ZHX3: variants seen among roughly 807,000 people sequenced by gnomAD.
ZHX3 encodes the protein zinc fingers and homeoboxes 3, also known as zinc fingers and homeoboxes protein 3.
ZHX3 carries 20 observed loss-of-function variants against 64.5 expected under a neutral mutation model. The ratio of observed to expected loss-of-function variants is 0.31; its 90% confidence interval spans 0.22 to 0.45. The LOEUF (loss-of-function observed/expected upper bound fraction) is 0.45, where lower values mean the gene tolerates loss of function less well. Ranked by LOEUF, ZHX3 falls within the 20% of genes least tolerant of loss-of-function variation. The pLI is 1.00. For synonymous variants in ZHX3, 423 were observed against 461.6 expected, an observed-to-expected ratio of 0.92 and a Z score of 1.07; for missense variants, 1,041 against 1,195.8, an observed-to-expected ratio of 0.87 and a Z score of 1.91.
At chr20:41,287,660 G>A (rs73907124) in intron 1 of ZHX3, among the ~76,000 whole-genome samples, 350 of 152,308 alleles carry the variant, frequency 2.3e-3, no homozygotes, top group African/African-American at 8.0e-3. Flanking sequence ...CTTATGGTGA[G>A]AGACTGAGGC....
At chr20:41,247,920 T>C (rs2041791567) in intron 2 of ZHX3, among the ~76,000 whole-genome samples, 2 of 152,208 alleles carry the variant, frequency 1.3e-5, no homozygotes, top group African/African-American at 4.8e-5. Flanking sequence ...CAACTCTGCC[T>C]AGGCCATTCC....
chr20:41,266,550 T>C (rs1373928089), intron 2 of ZHX3, among the ~76,000 whole-genome samples: 1 of 51,996 alleles, frequency 1.9e-5, no homozygotes, highest in Admixed American at 1.9e-4. Context: ...AATCTTTCTT[T>C]TTTTTTTTTT....
At chr20:41,279,942 G>A (rs1201450029) in intron 1 of ZHX3, among the ~76,000 whole-genome samples, 1 of 152,170 alleles carries the variant, frequency 6.6e-6, no homozygotes, top group Non-Finnish European at 1.5e-5. Flanking sequence ...ATAATTAGAG[G>A]CCTATGGAAC....
intron 1 of ZHX3, among the ~76,000 whole-genome samples, chr20:41,292,845 A>G (rs1396036487): frequency 6.6e-6 from 1 of 152,394 alleles, no homozygotes; most frequent in Non-Finnish European, 1.5e-5. Context: ...AACAGTATAC[A>G]CAACCACTTT....
chr20:41,252,712 T>C (rs2042049246), intron 2 of ZHX3, among the ~76,000 whole-genome samples: 1 of 152,190 alleles, frequency 6.6e-6, no homozygotes, highest in Admixed American at 6.5e-5. Context: ...CCATTACTTA[T>C]ATATACAATA....
chr20:41,268,412 AG>A lies in ZHX3; in HGVS notation c.-151+577del, dbSNP rs1260722282. 3.9e-5 allele frequency among the ~76,000 whole-genome samples: 6 copies of A among 152,332 alleles called. No individual in the cohort carries two copies. The East Asian group carries it at 9.6e-4, about 24-fold the overall frequency. On this transcript the variant is annotated intron_variant, in intron 2 of 3. Transcript: ENST00000683867. ...CCGTATTAAGTTTAGCATTAAAAAA[AG>A]TTTTCCCAATTTAAATTTTAATATG...
At position 41,204,405 on chromosome 20, in the gene ZHX3, T is replaced by C; in HGVS notation, c.512A>G (p.Glu171Gly). 6.2e-7 allele frequency: 1 copy of C among 1,614,198 alleles called. No individual in the cohort carries two copies. The highest frequency in any genetic ancestry group is 1.7e-5 in the Admixed American group (1 of 60,022). The change falls in exon 3 of 4, where the codon GAA (glutamate) becomes GGA (glycine). Residue 171 changes from glutamate to glycine, a missense_variant. Around this residue, in one of 4 missense-constraint regions of ZHX3, gnomAD observed 358 missense variants for 369.1 expected, o/e 0.97. Transcript: ENST00000683867. The surrounding 1 kb of genome is among the most constrained non-coding windows in gnomAD (Gnocchi z 6.6). ...GATTTCTGCCTGTCCATCAGCCCCT[T>C]CAGCACTGGGCTCACCCGCTAGGTC... The part of the protein sequence containing the change: ...TPDLAGEPSA[E>G]GADGQAEIII...
At chr20:41,188,444 G>A (rs988701837) in intron 3 of ZHX3, 1 of 109,720 alleles carries the variant, frequency 9.1e-6, no homozygotes, top group African/African-American at 3.6e-5. Context: ...ATCTCGCTCT[G>A]TAACCCAGGC....
chr20:41,221,984 A>C (rs898134282), intron 2 of ZHX3, among the ~76,000 whole-genome samples: 2 of 152,240 alleles, frequency 1.3e-5, no homozygotes, highest in African/African-American at 2.4e-5. Flanking sequence ...AGTCTCTCTG[A>C]AATGGGCAGT....
intron 2 of ZHX3, among the ~76,000 whole-genome samples, chr20:41,248,876 T>G (rs1395888692): frequency 6.6e-6 from 1 of 152,168 alleles, no homozygotes; most frequent in African/African-American, 2.4e-5. Flanking sequence ...CCTGACAGTG[T>G]TTTTGCAAAA....
At chr20:41,247,640 C>T (rs949883691) in intron 2 of ZHX3, among the ~76,000 whole-genome samples, 1 of 152,126 alleles carries the variant, frequency 6.6e-6, no homozygotes, top group African/African-American at 2.4e-5. Context: ...CCAACTTGCA[C>T]CCTGAGTAAG....
intron 2 of ZHX3, among the ~76,000 whole-genome samples, chr20:41,216,887 T>C (rs1467779594): frequency 2.0e-5 from 3 of 152,240 alleles, no homozygotes; most frequent in Non-Finnish European, 2.9e-5. Flanking sequence ...CTTTGTTAAT[T>C]TGATATATAA....
At chr20:41,196,408 A>AT (rs772211882) in intron 3 of ZHX3, among the ~76,000 whole-genome samples, 1 of 67,522 alleles carries the variant, frequency 1.5e-5, no homozygotes, top group Non-Finnish European at 2.4e-5. Context: ...TATATTATAT[A>AT]TTATATATAA....
Position 41,180,166 on chromosome 20 carries a change from G to T in ZHX3, c.*5025C>A, listed in dbSNP as rs1412565351. Reference sequence around the variant, plus strand: ...TATCCAAGTGGACAGCAGGGAAGGTGCCTAGAGTCCCCACCAGAGCGGCTG... The same window carrying T: ...TATCCAAGTGGACAGCAGGGAAGGTTCCTAGAGTCCCCACCAGAGCGGCTG... On this transcript the variant is annotated 3_prime_UTR_variant, in exon 4 of 4. Coordinates refer to ENST00000683867, the MANE Select transcript of ZHX3 (RefSeq NM_001384317.1). 3 of 152,702 alleles carry T rather than the reference G, an allele frequency of 2.0e-5. No homozygotes were observed. The highest frequency in any genetic ancestry group is 4.4e-5 in the Non-Finnish European group (3 of 68,080). The allele number at this position is 152,702 out of a possible 1,614,324, so 9.5% of individuals were successfully genotyped here. A position where few individuals can be genotyped will look rare whatever the true frequency, so the allele number is the denominator to read the frequency against.
intron 2 of ZHX3, among the ~76,000 whole-genome samples, chr20:41,237,090 A>C (rs1026164626): frequency 6.6e-6 from 1 of 152,178 alleles, no homozygotes; most frequent in Non-Finnish European, 1.5e-5. Flanking sequence ...TTAGAATGGC[A>C]ATCATTAAAA....
At chr20:41,210,885 T>G (rs1206273648) in intron 2 of ZHX3, among the ~76,000 whole-genome samples, 3 of 152,160 alleles carry the variant, frequency 2.0e-5, no homozygotes, top group Admixed American at 2.0e-4. Context: ...TTTAAGTATT[T>G]TTTTAAAAGA....
chr20:41,274,413 C>T (rs1047909384), intron 1 of ZHX3, among the ~76,000 whole-genome samples: 3 of 152,186 alleles, frequency 2.0e-5, no homozygotes, highest in Admixed American at 6.5e-5. Context: ...AGATTTTGCT[C>T]ACAGAAGCTT....
chr20:41,208,890 C>G (rs1362375099), intron 2 of ZHX3, among the ~76,000 whole-genome samples: 17 of 152,196 alleles, frequency 1.1e-4, no homozygotes, highest in African/African-American at 2.6e-4. Flanking sequence ...AGGAAAAGAG[C>G]AAGTCAAATT....
Position 41,198,589 on chromosome 20 carries a change from G to A in ZHX3, c.2860+3468C>T, listed in dbSNP as rs368925485. Among the ~76,000 whole-genome samples the A allele has an allele frequency of 5.2e-4, 78 of 151,072 alleles. 1 individual carries two copies. The highest frequency in any genetic ancestry group is 4.9e-3 in the East Asian group (25 of 5,146). ...GGCTGTTAATCTTGTCAAAAATTCT[G>A]TGTGACGAGTTGCTTCTCTCTTGCT... is the stretch of plus-strand genomic sequence containing the variant. On this transcript the variant is annotated intron_variant, in intron 3 of 3. Coordinates refer to ENST00000683867, the MANE Select transcript of ZHX3 (RefSeq NM_001384317.1).
Sources: allele counts gnomAD v4.1 joint callset (sites outside exome capture counted in the v4.1 genomes callset), GRCh38; gene constraint gnomAD v4.1.1; regional missense constraint gnomAD v4.1.1; non-coding constraint Gnocchi (gnomAD v3.1); transcripts MANE v1.5; gene names NCBI Gene and HGNC (gene_info 2026-07-23, HGNC 2026-07-21).